Variants in KCNIP4 observed in about 807,000 individuals in gnomAD.
KCNIP4 encodes the protein Kv channel-interacting protein 4.
In KCNIP4, 12 loss-of-function variants were observed where a neutral mutation model predicts 34.0. That is an observed-to-expected ratio of 0.35 (90% CI 0.23 to 0.57). KCNIP4 has a LOEUF of 0.57. Ranked by LOEUF, KCNIP4 falls within the 20% of genes least tolerant of loss-of-function variation. The pLI, the probability that KCNIP4 is intolerant of heterozygous loss-of-function variation, is 0.83. For missense variants in KCNIP4, 238 were observed against 311.7 expected, an observed-to-expected ratio of 0.76 and a Z score of 1.78; for synonymous variants, 124 against 102.2, an observed-to-expected ratio of 1.21 and a Z score of -1.29.
At chr4:21,690,641 C>T (rs1425557882) in intron 1 of KCNIP4, among the ~76,000 whole-genome samples, 3 of 152,096 alleles carry the variant, frequency 2.0e-5, no homozygotes, top group Non-Finnish European at 4.4e-5. Context: ...CCTGCAGAAC[C>T]GTATGTCAAG....
At chr4:21,335,830 T>C (rs1385408104) in intron 1 of KCNIP4, among the ~76,000 whole-genome samples, 7 of 152,276 alleles carry the variant, frequency 4.6e-5, no homozygotes, top group Admixed American at 1.3e-4. Context: ...AATGTTTAGC[T>C]TGTAGAAAGA....
At chr4:21,350,725 C>T (rs1205015626) in intron 1 of KCNIP4, among the ~76,000 whole-genome samples, 1 of 152,136 alleles carries the variant, frequency 6.6e-6, no homozygotes, top group African/African-American at 2.4e-5. Context: ...CAGGCAACAC[C>T]ACCCATCATC....
At chr4:21,354,727 T>C (rs1237462712) in intron 1 of KCNIP4, among the ~76,000 whole-genome samples, 1 of 152,050 alleles carries the variant, frequency 6.6e-6, no homozygotes, top group Non-Finnish European at 1.5e-5. Flanking sequence ...CTGTCAACAT[T>C]AGACAGATCA....
At chr4:21,154,376 G>A (rs915457667) in intron 1 of KCNIP4, among the ~76,000 whole-genome samples, 7 of 152,126 alleles carry the variant, frequency 4.6e-5, no homozygotes, top group Admixed American at 1.3e-4. Flanking sequence ...AAGGTAAAAC[G>A]ATTCCCAGAG....
At chr4:21,364,954 AAAG>A (rs1719591358) in intron 1 of KCNIP4, among the ~76,000 whole-genome samples, 2 of 152,142 alleles carry the variant, frequency 1.3e-5, no homozygotes, top group South Asian at 2.1e-4. Flanking sequence ...AAAGCAAGGG[AAAG>A]AAGATGAGGA....
chr4:21,529,299 A>AAAG (rs1736463679), intron 1 of KCNIP4, among the ~76,000 whole-genome samples: 1 of 152,114 alleles, frequency 6.6e-6, no homozygotes, highest in Non-Finnish European at 1.5e-5. Flanking sequence ...AGAAGAGGAG[A>AAAG]AAGGGTGCAA....
intron 1 of KCNIP4, among the ~76,000 whole-genome samples, chr4:21,142,486 C>G (rs1028958552): frequency 1.3e-5 from 2 of 152,126 alleles, no homozygotes; most frequent in South Asian, 4.2e-4. Flanking sequence ...TTTAGCTATT[C>G]TGTTTTGGGG....
At chr4:21,835,689 C>T (rs747685463) in intron 1 of KCNIP4, among the ~76,000 whole-genome samples, 26 of 151,852 alleles carry the variant, frequency 1.7e-4, no homozygotes, top group Non-Finnish European at 3.2e-4. Flanking sequence ...TACCCTATAG[C>T]CCAGAGTTCT....
chr4:20,794,345 C>T (rs116648918), intron 3 of KCNIP4, among the ~76,000 whole-genome samples: 3,395 of 152,254 alleles, frequency 0.022, 36 homozygotes, highest in Non-Finnish European at 0.027. Context: ...ACAGCTGAAG[C>T]TTTGCTTGCT....
intron 1 of KCNIP4, among the ~76,000 whole-genome samples, chr4:21,366,576 A>G (rs1262970892): frequency 6.6e-6 from 1 of 152,226 alleles, no homozygotes; most frequent in African/African-American, 2.4e-5. Context: ...TAGCTCAAGA[A>G]GGTGAAAGAC....
At chr4:21,904,784 A>G (rs1178380122) in intron 1 of KCNIP4, among the ~76,000 whole-genome samples, 4 of 152,182 alleles carry the variant, frequency 2.6e-5, no homozygotes, top group African/African-American at 9.7e-5. Context: ...TAGCAGCATG[A>G]CAAGCCTCCA....
chr4:20,875,460 C>A (rs891870626), intron 2 of KCNIP4, among the ~76,000 whole-genome samples: 2 of 152,098 alleles, frequency 1.3e-5, no homozygotes, highest in African/African-American at 4.8e-5. Flanking sequence ...AAAACTGTAC[C>A]AGACACATAG....
At chr4:21,551,337 A>T (rs1160290655) in intron 1 of KCNIP4, among the ~76,000 whole-genome samples, 1 of 152,110 alleles carries the variant, frequency 6.6e-6, no homozygotes, top group African/African-American at 2.4e-5. Context: ...TGGTTCTTTC[A>T]GTTTACAGTG....
At chr4:21,940,272 C>A (rs1175433588) in intron 1 of KCNIP4, among the ~76,000 whole-genome samples, 2 of 152,012 alleles carry the variant, frequency 1.3e-5, no homozygotes, top group Non-Finnish European at 2.9e-5. Context: ...GAACTTCAAG[C>A]CCACTTCTTC....
At chr4:21,209,401 T>C (rs1262583312) in intron 1 of KCNIP4, among the ~76,000 whole-genome samples, 1 of 152,076 alleles carries the variant, frequency 6.6e-6, no homozygotes, top group Admixed American at 6.6e-5. Flanking sequence ...CCCCTACCCC[T>C]CTTTCCCCAA....
At chr4:21,319,659 G>A (rs1714167234) in intron 1 of KCNIP4, among the ~76,000 whole-genome samples, 1 of 152,146 alleles carries the variant, frequency 6.6e-6, no homozygotes, top group African/African-American at 2.4e-5. Flanking sequence ...TTCTACCCAT[G>A]GTCAAGACCA....
In KCNIP4 at chr4:21,168,415, T is replaced by C. The variant is rs533500394; in HGVS notation, c.62-285706A>G. Among the ~76,000 whole-genome samples the C allele has an allele frequency of 4.6e-5, 7 of 152,296 alleles. No individual in the cohort carries two copies. The East Asian group carries it at 1.4e-3, about 29-fold the overall frequency. ...TAGTTTCCTGAGTCTGAGTCTTTAG[T>C]GCACCAAAAAGAAGTATCCATACCT... On this transcript the variant is annotated intron_variant, in intron 1 of 8. Transcript: ENST00000382152.
intron 1 of KCNIP4, among the ~76,000 whole-genome samples, chr4:21,308,897 G>T (rs1486859262): frequency 6.6e-6 from 1 of 152,008 alleles, no homozygotes; most frequent in Non-Finnish European, 1.5e-5. Flanking sequence ...AAGCAATTTT[G>T]GGGAGTCCTT....
intron 1 of KCNIP4, among the ~76,000 whole-genome samples, chr4:21,117,312 G>A (rs930309322): frequency 4.6e-5 from 6 of 131,280 alleles, no homozygotes; most frequent in Admixed American, 2.2e-4. Context: ...GGGGGGGGGG[G>A]GGGGGGGCGC....
Sources: gnomAD v4.1 joint callset for allele counts (sites outside exome capture counted in the v4.1 genomes callset) on GRCh38, gnomAD v4.1.1 for gene constraint, MANE v1.5 for transcripts, NCBI Gene and HGNC (gene_info 2026-07-23, HGNC 2026-07-21) for gene names.